Variants in TRNP1 observed in about 807,000 individuals in gnomAD.
TRNP1 encodes the protein TMF1 regulated nuclear protein 1.
In TRNP1, 16 loss-of-function variants were observed where a neutral mutation model predicts 12.2. The ratio of observed to expected loss-of-function variants is 1.31; its 90% CI spans 0.89 to 1.99. The LOEUF (loss-of-function observed/expected upper bound fraction) is 1.99, where lower values mean the gene tolerates loss of function less well. Among genes scored for constraint, TRNP1 ranks in the 30% most tolerant of loss-of-function variants. TRNP1 has a pLI of 0.00. For missense variants in TRNP1, 338 were observed against 330.4 expected (o/e 1.02, Z -0.18); for synonymous variants, 139 against 166.2 (o/e 0.84, Z 1.26).
Position 26,994,144 on chromosome 1 carries a change from G to C in TRNP1, c.358G>C (p.Val120Leu), listed in dbSNP as rs532463954. ...LLEVEGRRRLVSELESRVLQL... is the reference protein window; with the variant it reads ...LLEVEGRRRLLSELESRVLQL... The stretch of plus-strand genomic sequence containing the variant: ...GGAGGTGGAGGGCCGCCGGCGCCTG[G>C]TGTCGGAGCTGGAGAGCCGCGTGCT... Residue 120 changes from valine to leucine, a missense_variant, in exon 1 of 2, where the codon GTG becomes CTG. Coordinates refer to ENST00000522111, the MANE Select transcript of TRNP1 (RefSeq NM_001013642.3). The surrounding 1 kb of genome is among the most constrained non-coding windows in gnomAD (Gnocchi z 6.9). 1,636 of 1,257,778 alleles carry C rather than the reference G, an allele frequency of 1.3e-3. 2 individuals carry two copies. The highest frequency in any genetic ancestry group is 1.5e-3 in the Non-Finnish European group (1,489 of 998,420). The allele number at this position is 1,257,778 out of a possible 1,614,324, so 77.9% of individuals were successfully genotyped here. A position where few individuals can be genotyped will look rare whatever the true frequency, so the allele number is the denominator to read the frequency against.
At chr1:26,995,730 A>T (rs968527277) in intron 1 of TRNP1, among the ~76,000 whole-genome samples, 5 of 152,222 alleles carry the variant, frequency 3.3e-5, no homozygotes, top group Non-Finnish European at 5.9e-5. Flanking sequence ...TCCCGGATTC[A>T]AGCGATTCTC....
chr1:26,994,837 C>T lies in TRNP1; in HGVS notation c.*142+225C>T, dbSNP rs1000838370. ...CTTGAGGGGGCTCAGATCCCAGGAA[C>T]GGGTTGGCGGCAAACTTTTACCACT... On this transcript the variant is annotated intron_variant, in intron 1 of 1. Transcript: ENST00000522111. The surrounding 1 kb of genome is among the most constrained non-coding windows in gnomAD (Gnocchi z 6.9). Among the ~76,000 whole-genome samples, 3 of 152,164 alleles carry T rather than the reference C, an allele frequency of 2.0e-5. No homozygotes were observed. The highest frequency in any genetic ancestry group is 2.9e-5 in the Non-Finnish European group (2 of 68,036).
chr1:26,993,709 C>G lies in TRNP1; in HGVS notation c.-78C>G. On this transcript the variant is annotated 5_prime_UTR_variant, in exon 1 of 2. Coordinates refer to ENST00000522111, the MANE Select transcript of TRNP1 (RefSeq NM_001013642.3). ...GCGCCTCTGGGGTGGGGGCTGTGGC[C>G]GTGTCTAGCTGTTCGGGTGTGCTGT... The G allele has an allele frequency of 5.7e-6, 7 of 1,222,814 alleles. No individual in the cohort carries two copies. The highest frequency in any genetic ancestry group is 3.5e-5 in the South Asian group (1 of 28,766). The allele number at this position is 1,222,814 out of a possible 1,614,324, so 75.7% of individuals were successfully genotyped here. A position where few individuals can be genotyped will look rare whatever the true frequency, so the allele number is the denominator to read the frequency against.
Position 26,993,781 on chromosome 1 carries a change from C to CG in TRNP1, c.-1dup. 1 of 1,234,134 alleles carries CG rather than the reference C, an allele frequency of 8.1e-7. No individual in the cohort carries two copies. The allele number at this position is 1,234,134 out of a possible 1,614,324, so 76.4% of individuals were successfully genotyped here. A position where few individuals can be genotyped will look rare whatever the true frequency, so the allele number is the denominator to read the frequency against. ...ACAGCCGCAGACCGCCGGTGGGGGG[C>CG]GGGGGATGCCGGGCTGCCGCATCAG... On this transcript the variant is annotated 5_prime_UTR_variant, in exon 1 of 2. Coordinates refer to ENST00000522111, the MANE Select transcript of TRNP1 (RefSeq NM_001013642.3).
Position 26,994,167 on chromosome 1 carries a change from G to T in TRNP1, c.381G>T (p.Val127=), listed in dbSNP as rs2082532954. 1.5e-6 allele frequency: 2 copies of T among 1,294,758 alleles called. No individual in the cohort carries two copies. Among genetic ancestry groups the T allele is most frequent in the Non-Finnish European group, 9.8e-7 (1 of 1,016,554 alleles). 80.2% of individuals were successfully genotyped at this position (1,294,758 alleles called of 1,614,324 possible). A position where few individuals can be genotyped will look rare whatever the true frequency, so the allele number is the denominator to read the frequency against. ...TGGTGTCGGAGCTGGAGAGCCGCGT[G>T]CTGCAGCTGCACCGCGTTTTCTTGG... ...RRLVSELESR[V]LQLHRVFLAA... is the part of the protein sequence containing the mutation. Residue 127 remains valine (V), a synonymous_variant, in exon 1 of 2, where the codon GTG becomes GTT. Coordinates refer to ENST00000522111, the MANE Select transcript of TRNP1 (RefSeq NM_001013642.3). This position sits in a 1 kb window ranked among gnomAD's most constrained non-coding sequence, Gnocchi z 6.9.
chr1:26,994,335 G>T lies in TRNP1; in HGVS notation c.549G>T (p.Ala183=). The T allele has an allele frequency of 1.8e-6, 2 of 1,098,196 alleles. No homozygotes were observed. The highest frequency in any genetic ancestry group is 4.3e-5 in the South Asian group (1 of 23,146). The allele number at this position is 1,098,196 out of a possible 1,614,324, so 68.0% of individuals were successfully genotyped here. ...PRRGRRGRPP[A]LLASALGLGG... is the part of the protein sequence containing the mutation. ...GCGGCCGCCGCGGCCGACCCCCCGC[G>T]CTGCTGGCCTCGGCGCTGGGCCTGG... Residue 183 remains alanine, a synonymous_variant, in exon 1 of 2, where the codon GCG becomes GCT. Coordinates refer to ENST00000522111, the MANE Select transcript of TRNP1 (RefSeq NM_001013642.3). The surrounding 1 kb of genome is among the most constrained non-coding windows in gnomAD (Gnocchi z 6.9).
rs1317240093 is a variant in TRNP1, at chr1:26,994,017, T to C, written c.231T>C (p.Ala77=). Residue 77 remains alanine, a synonymous_variant, in exon 1 of 2, where the codon GCT becomes GCC. Coordinates refer to ENST00000522111, the MANE Select transcript of TRNP1 (RefSeq NM_001013642.3). This position sits in a 1 kb window ranked among gnomAD's most constrained non-coding sequence, Gnocchi z 6.9. ...AGCTGCAGCGCTGGCGCCAGGGCGCTAGCGGGATCGCGGGGCTCGCCGGCC... is the reference window on the plus strand; with the variant it reads ...AGCTGCAGCGCTGGCGCCAGGGCGCCAGCGGGATCGCGGGGCTCGCCGGCC... ...DQELQRWRQG[A]SGIAGLAGPG... is the part of the protein sequence containing the mutation. 1.6e-5 allele frequency: 20 copies of C among 1,252,390 alleles called. No individual in the cohort carries two copies. Among genetic ancestry groups the C allele is most frequent in the Non-Finnish European group, 1.9e-5 (19 of 999,620 alleles). The allele number at this position is 1,252,390 out of a possible 1,614,324, so 77.6% of individuals were successfully genotyped here. A position where few individuals can be genotyped will look rare whatever the true frequency, so the allele number is the denominator to read the frequency against.
chr1:26,993,746 C>A lies in TRNP1; in HGVS notation c.-41C>A. 7.8e-7 allele frequency: 1 copy of A among 1,282,972 alleles called. No homozygotes were observed. The highest frequency in any genetic ancestry group is 3.1e-5 in the East Asian group (1 of 31,974). 79.5% of individuals were successfully genotyped at this position (1,282,972 alleles called of 1,614,324 possible). A position where few individuals can be genotyped will look rare whatever the true frequency, so the allele number is the denominator to read the frequency against. On this transcript the variant is annotated 5_prime_UTR_variant, in exon 1 of 2. The change creates a new upstream start codon in the 5' untranslated region. Coordinates refer to ENST00000522111, the MANE Select transcript of TRNP1 (RefSeq NM_001013642.3). ...TTCGGGTGTGCTGTGGTCATCCTCC[C>A]TGCGCACCTACAGCCGCAGACCGCC...
chr1:26,998,220 G>GA lies in TRNP1; in HGVS notation c.*143-1618dup, dbSNP rs201371181. On this transcript the variant is annotated intron_variant, in intron 1 of 1. Coordinates refer to ENST00000522111, the MANE Select transcript of TRNP1 (RefSeq NM_001013642.3). ...AACATGGTGAAACCCCGCCTCTACT[G>GA]AAAAAAAAAGGGGGGAGCAAAGGAA... Among the ~76,000 whole-genome samples the GA allele has an allele frequency of 7.3e-5, 11 of 149,722 alleles. No individual in the cohort carries two copies. The South Asian group carries it at 1.5e-3, about 20-fold the overall frequency.
intron 1 of TRNP1, among the ~76,000 whole-genome samples, chr1:26,996,947 A>G (rs1013063781): frequency 1.3e-5 from 2 of 152,070 alleles, no homozygotes; most frequent in Non-Finnish European, 2.9e-5. Flanking sequence ...CCCAGCTCCT[A>G]GTTAGTGCTA....
chr1:26,997,337 AAAAG>A (rs1200878348), intron 1 of TRNP1, among the ~76,000 whole-genome samples: 20 of 151,602 alleles, frequency 1.3e-4, no homozygotes, highest in African/African-American at 4.4e-4. Flanking sequence ...AAAAAAAAAA[AAAAG>A]CTCACCCGTC....
chr1:26,998,927 T>C (rs2082559435), intron 1 of TRNP1, among the ~76,000 whole-genome samples: 1 of 152,172 alleles, frequency 6.6e-6, no homozygotes, highest in Non-Finnish European at 1.5e-5. Flanking sequence ...GAGGTCCGTT[T>C]AGGGGGATAT....
chr1:26,994,254 G>A lies in TRNP1; in HGVS notation c.468G>A (p.Ala156=). ...TGAGCCGCCTGAGCGGCGGCGTGGCGCAGGCCGAGCTCTACCTGGCGGCTC... is the reference window on the plus strand; with the variant it reads ...TGAGCCGCCTGAGCGGCGGCGTGGCACAGGCCGAGCTCTACCTGGCGGCTC... ...ESLSRLSGGV[A]QAELYLAAHG... The change falls in exon 1 of 2, where the codon GCG becomes GCA. Residue 156 remains alanine, a synonymous_variant. Transcript: ENST00000522111. This position sits in a 1 kb window ranked among gnomAD's most constrained non-coding sequence, Gnocchi z 6.9. 8.2e-7 allele frequency: 1 copy of A among 1,214,966 alleles called. No homozygotes were observed. Among genetic ancestry groups the A allele is most frequent in the Non-Finnish European group, 1.0e-6 (1 of 975,266 alleles). 75.3% of individuals were successfully genotyped at this position (1,214,966 alleles called of 1,614,324 possible).
chr1:26,994,377 G>C lies in TRNP1; in HGVS notation c.591G>C (p.Trp197Cys). 3.6e-6 allele frequency: 4 copies of C among 1,102,032 alleles called. No individual in the cohort carries two copies. The South Asian group carries it at 1.3e-4, about 36-fold the overall frequency. The allele number at this position is 1,102,032 out of a possible 1,614,324, so 68.3% of individuals were successfully genotyped here. ...SALGLGGCVP[W>C]GAGRLRRGHG... ...TGGGCCTGGGCGGCTGCGTGCCCTGGGGTGCCGGGCGACTGCGGCGCGGCC... is the reference window on the plus strand; with the variant it reads ...TGGGCCTGGGCGGCTGCGTGCCCTGCGGTGCCGGGCGACTGCGGCGCGGCC... The change falls in exon 1 of 2, where the codon TGG becomes TGC. Residue 197 changes from tryptophan (W) to cysteine (C), a missense_variant. Transcript: ENST00000522111. The surrounding 1 kb of genome is among the most constrained non-coding windows in gnomAD (Gnocchi z 6.9).
At position 26,994,905 on chromosome 1, in the gene TRNP1, C is replaced by A. The variant is rs1421535118; in HGVS notation, c.*142+293C>A. On this transcript the variant is annotated intron_variant, in intron 1 of 1. Coordinates refer to ENST00000522111, the MANE Select transcript of TRNP1 (RefSeq NM_001013642.3). This position sits in a 1 kb window ranked among gnomAD's most constrained non-coding sequence, Gnocchi z 6.9. ...ATGCAGCACCCCCCATCCTCACCCC[C>A]ACTTGCGTGGCCTTTCCCGGGCCCC... Among the ~76,000 whole-genome samples the A allele has an allele frequency of 3.9e-5, 6 of 152,336 alleles. No individual in the cohort carries two copies. The South Asian group carries it at 8.3e-4, about 21-fold the overall frequency.
intron 1 of TRNP1, among the ~76,000 whole-genome samples, chr1:26,995,841 G>T (rs2082542612): frequency 6.6e-6 from 1 of 152,170 alleles, no homozygotes; most frequent in Non-Finnish European, 1.5e-5. Flanking sequence ...TGTTGGTCAG[G>T]CTGTTCTTGA....
rs2082564218 is a variant in TRNP1, at chr1:26,999,946, T to C, written c.*242T>C. On this transcript the variant is annotated 3_prime_UTR_variant, in exon 2 of 2. Coordinates refer to ENST00000522111, the MANE Select transcript of TRNP1 (RefSeq NM_001013642.3). ...TTCAGGAAGACGTTGAGAATTGACC[T>C]TACACAATCCCAGCGCCCTCCTCAC... The C allele has an allele frequency of 6.6e-6, 1 of 152,316 alleles. No homozygotes were observed. The highest frequency in any genetic ancestry group is 2.1e-4 in the South Asian group (1 of 4,824). 9.4% of individuals were successfully genotyped at this position (152,316 alleles called of 1,614,324 possible).
At position 26,996,623 on chromosome 1, in the gene TRNP1, T is replaced by C. The variant is rs573472076; in HGVS notation, c.*142+2011T>C. Among the ~76,000 whole-genome samples, 3 of 152,304 alleles carry C rather than the reference T, an allele frequency of 2.0e-5. No homozygotes were observed. The South Asian group carries it at 6.2e-4, about 32-fold the overall frequency. On this transcript the variant is annotated intron_variant, in intron 1 of 1. Coordinates refer to ENST00000522111, the MANE Select transcript of TRNP1 (RefSeq NM_001013642.3). ...CTGGGCTGCAGCCAGGACCATTTGTTTTCTGGGTTGCATGGGAGGGGGCAC... is the reference window on the plus strand; with the variant it reads ...CTGGGCTGCAGCCAGGACCATTTGTCTTCTGGGTTGCATGGGAGGGGGCAC...
At chr1:26,996,173 C>T (rs1037679179) in intron 1 of TRNP1, among the ~76,000 whole-genome samples, 1 of 152,208 alleles carries the variant, frequency 6.6e-6, no homozygotes, top group African/African-American at 2.4e-5. Flanking sequence ...TCTGCCCCCT[C>T]TCTGGGCCTC....
Sources: gnomAD v4.1 joint callset for allele counts (sites outside exome capture counted in the v4.1 genomes callset) on GRCh38, gnomAD v4.1.1 for gene constraint, Gnocchi (gnomAD v3.1) non-coding constraint, MANE v1.5 for transcripts, NCBI Gene and HGNC (gene_info 2026-07-23, HGNC 2026-07-21) for gene names.